The following NDFIP2 variants were observed in gnomAD, a reference collection of about 807,000 sequenced individuals.
NDFIP2 encodes the protein Nedd4 family interacting protein 2.
Under a neutral mutation model 36.0 loss-of-function variants are expected in NDFIP2, and 19 were observed. That is an observed-to-expected ratio of 0.53 (90% confidence interval 0.37 to 0.77). The LOEUF is 0.77. Ranked by LOEUF, NDFIP2 falls within the 30% of genes least tolerant of loss-of-function variation. The pLI is 0.00. For synonymous variants in NDFIP2, 181 were observed against 167.7 expected, an observed-to-expected ratio of 1.08 and a Z score of -0.61; for missense variants, 446 against 435.8, an observed-to-expected ratio of 1.02 and a Z score of -0.21.
At chr13:79,513,568 A>AT (rs1874156557) in intron 1 of NDFIP2, among the ~76,000 whole-genome samples, 1 of 152,270 alleles carries the variant, frequency 6.6e-6, no homozygotes, top group African/African-American at 2.4e-5. Flanking sequence ...AGATTGTTGG[A>AT]TTTTCAGAAG....
chr13:79,512,424 C>T (rs1344288857), intron 1 of NDFIP2, among the ~76,000 whole-genome samples: 3 of 151,626 alleles, frequency 2.0e-5, no homozygotes, highest in Non-Finnish European at 2.9e-5. Context: ...GCACAGAGAC[C>T]AATAGTATGT....
intron 1 of NDFIP2, among the ~76,000 whole-genome samples, chr13:79,481,761 C>T (rs894329881): frequency 1.3e-5 from 2 of 152,128 alleles, no homozygotes; most frequent in African/African-American, 4.8e-5. Context: ...CTCACCCGCA[C>T]CCTTAGCCCC....
At chr13:79,533,708 T>A (rs1257385715) in intron 3 of NDFIP2, among the ~76,000 whole-genome samples, 2 of 152,146 alleles carry the variant, frequency 1.3e-5, no homozygotes, top group Non-Finnish European at 2.9e-5. Flanking sequence ...ATCAAAAAAA[T>A]TAAGAAAAGG....
At chr13:79,499,527 T>A (rs1337471083) in intron 1 of NDFIP2, among the ~76,000 whole-genome samples, 2 of 151,996 alleles carry the variant, frequency 1.3e-5, no homozygotes, top group Non-Finnish European at 2.9e-5. Flanking sequence ...AATAAGTGAT[T>A]ATAGCAAGAT....
intron 1 of NDFIP2, among the ~76,000 whole-genome samples, chr13:79,511,875 A>G (rs181660387): frequency 2.0e-5 from 3 of 152,324 alleles, no homozygotes; most frequent in Non-Finnish European, 2.9e-5. Context: ...CAGACTTGCA[A>G]GTGAATGTTT....
chr13:79,526,995 C>T (rs1406558725), intron 2 of NDFIP2, among the ~76,000 whole-genome samples: 1 of 152,090 alleles, frequency 6.6e-6, no homozygotes, highest in East Asian at 1.9e-4. Context: ...ATTCTAAAGT[C>T]CACAGTCATG....
intron 1 of NDFIP2, among the ~76,000 whole-genome samples, chr13:79,482,998 A>G (rs899081308): frequency 1.3e-5 from 2 of 152,224 alleles, no homozygotes; most frequent in Non-Finnish European, 2.9e-5. Context: ...CATTTTTCCT[A>G]CAGACGTCAC....
intron 7 of NDFIP2, among the ~76,000 whole-genome samples, chr13:79,551,411 G>A (rs1286870700): frequency 6.6e-6 from 1 of 151,168 alleles, no homozygotes; most frequent in African/African-American, 2.4e-5. Flanking sequence ...ATTAACCATA[G>A]AATGTATATG....
intron 2 of NDFIP2, among the ~76,000 whole-genome samples, chr13:79,529,907 A>G (rs1040821096): frequency 3.5e-4 from 53 of 152,222 alleles, no homozygotes; most frequent in African/African-American, 1.2e-3. Flanking sequence ...GAGTCATATG[A>G]ATTTTTTGGT....
chr13:79,490,500 C>G (rs1207192439), intron 1 of NDFIP2, among the ~76,000 whole-genome samples: 1 of 152,042 alleles, frequency 6.6e-6, no homozygotes, highest in African/African-American at 2.4e-5. Flanking sequence ...CTGTAAAGGG[C>G]TAGATAGTAT....
chr13:79,542,254 A>G (rs1875483286), intron 4 of NDFIP2, among the ~76,000 whole-genome samples: 1 of 152,238 alleles, frequency 6.6e-6, no homozygotes, highest in South Asian at 2.1e-4. Context: ...TCACATCAGC[A>G]TGCCATGATA....
intron 1 of NDFIP2, among the ~76,000 whole-genome samples, chr13:79,513,097 T>C (rs1026039324): frequency 1.3e-5 from 2 of 152,178 alleles, no homozygotes; most frequent in Non-Finnish European, 2.9e-5. Flanking sequence ...TCACCTACCT[T>C]TGACCCAGGT....
chr13:79,482,169 CTTTTTTTT>C lies in NDFIP2; in HGVS notation c.321+664_321+671del, dbSNP rs10558361. Among the ~76,000 whole-genome samples the C allele has an allele frequency of 7.1e-3, 542 of 75,876 alleles. 3 individuals are homozygous for C. The highest frequency in any genetic ancestry group is 0.033 in the Middle Eastern group (3 of 92). 49.8% of individuals were successfully genotyped at this position (75,876 alleles called of 152,430 possible). On this transcript the variant is annotated intron_variant, in intron 1 of 7. Coordinates refer to ENST00000218652, the MANE Select transcript of NDFIP2 (RefSeq NM_019080.3). ...CCACTTTTTCTTTCTTTCTTTCTTT[CTTTTTTTT>C]TTTTTTTTTTTTTTTTTTGGTTAGA...
intron 1 of NDFIP2, among the ~76,000 whole-genome samples, chr13:79,497,933 G>C (rs1272177772): frequency 1.3e-5 from 2 of 151,548 alleles, no homozygotes; most frequent in African/African-American, 2.4e-5. Context: ...ATTTAGTTAG[G>C]AAGCTATGGC....
At chr13:79,482,082 C>T (rs1056117951) in intron 1 of NDFIP2, among the ~76,000 whole-genome samples, 2 of 151,462 alleles carry the variant, frequency 1.3e-5, no homozygotes, top group Admixed American at 1.3e-4. Context: ...GCTCGTTAAC[C>T]TTGTCATTTT....
chr13:79,549,279 G>T (rs1353282601), intron 6 of NDFIP2, among the ~76,000 whole-genome samples: 1 of 151,920 alleles, frequency 6.6e-6, no homozygotes, highest in Non-Finnish European at 1.5e-5. Context: ...GCATCTGGAG[G>T]TGAAGCCAGT....
At chr13:79,523,136 A>G (rs535884281) in intron 2 of NDFIP2, among the ~76,000 whole-genome samples, 1 of 152,296 alleles carries the variant, frequency 6.6e-6, no homozygotes, top group South Asian at 2.1e-4. Flanking sequence ...GTGTTCCCAG[A>G]ACACCAGTGG....
At chr13:79,513,033 A>G (rs909520584) in intron 1 of NDFIP2, among the ~76,000 whole-genome samples, 2 of 152,344 alleles carry the variant, frequency 1.3e-5, no homozygotes, top group South Asian at 2.1e-4. Flanking sequence ...ATTTACATGA[A>G]TATTAAAATG....
intron 1 of NDFIP2, among the ~76,000 whole-genome samples, chr13:79,493,909 T>C (rs1873339930): frequency 6.6e-6 from 1 of 152,010 alleles, no homozygotes; most frequent in Non-Finnish European, 1.5e-5. Flanking sequence ...AAATAGTACA[T>C]GTCCACTTTT....
Sources: allele counts gnomAD v4.1 joint callset (sites outside exome capture counted in the v4.1 genomes callset), GRCh38; gene constraint gnomAD v4.1.1; transcripts MANE v1.5; gene names NCBI Gene and HGNC (gene_info 2026-07-23, HGNC 2026-07-21).